The following CHAT variants were observed in gnomAD, a reference collection of about 807,000 sequenced individuals.
The protein encoded by CHAT is acetyl CoA:choline O-acetyltransferase.
Under a neutral mutation model 76.9 loss-of-function variants are expected in CHAT, and 61 were observed. That is an observed-to-expected ratio of 0.79 (90% CI 0.65 to 0.98). The LOEUF is 0.98. Among genes scored for constraint, CHAT ranks in the 50% least tolerant of loss-of-function variants. CHAT has a pLI of 0.00. For synonymous variants in CHAT, 407 were observed against 397.4 expected (o/e 1.02, Z -0.29); for missense variants, 946 against 986.9 (o/e 0.96, Z 0.56).
At chr10:49,611,628 C>G (rs777967155), upstream of CHAT, 2 of 1,611,564 alleles carry the variant, frequency 1.2e-6, no homozygotes, top group South Asian at 2.2e-5. Flanking sequence ...TGGTGGCCGG[C>G]GCGCTCACCA....
intron 7 of CHAT, among the ~76,000 whole-genome samples, chr10:49,630,606 G>A (rs1590581875): frequency 1.3e-5 from 2 of 152,314 alleles, no homozygotes; most frequent in African/African-American, 4.8e-5. Context: ...AGAAAAATGA[G>A]GGAGTTGCTA....
chr10:49,653,846 T>C (rs1266604080), intron 11 of CHAT, among the ~76,000 whole-genome samples: 1 of 152,242 alleles, frequency 6.6e-6, no homozygotes, highest in Non-Finnish European at 1.5e-5. Context: ...CTCTCTACTA[T>C]GAGCACTTCC....
upstream of CHAT, among the ~76,000 whole-genome samples, chr10:49,609,580 A>G (rs968393613): frequency 6.6e-6 from 1 of 151,896 alleles, no homozygotes; most frequent in African/African-American, 2.4e-5. Context: ...CGGCCAGGCT[A>G]ATATTCGCGA....
At chr10:49,612,079 G>A (rs2132688726), upstream of CHAT, 1 of 1,613,568 alleles carries the variant, frequency 6.2e-7, no homozygotes, top group South Asian at 1.1e-5. Context: ...GCACTCGCTG[G>A]GCTTTGAGCA....
At chr10:49,643,665 C>A (rs1398789255) in intron 7 of CHAT, among the ~76,000 whole-genome samples, 1 of 152,222 alleles carries the variant, frequency 6.6e-6, no homozygotes, top group African/African-American at 2.4e-5. Context: ...ATTCATGAAG[C>A]TCAAAGCCTC....
intron 7 of CHAT, among the ~76,000 whole-genome samples, chr10:49,630,643 T>G (rs1026140665): frequency 1.3e-5 from 2 of 151,900 alleles, no homozygotes; most frequent in African/African-American, 4.8e-5. Context: ...AAGGGAGGTG[T>G]TTTTAGGAGG....
Position 49,625,611 on chromosome 10 carries a change from C to G in CHAT, c.891C>G (p.Ile297Met). ...CGCTGGTGGCTCAGAACAGCAGCAT[C>G]ATGCCGGAGCCTGAGCACGTCATCG... ...QDTLVAQNSS[I>M]MPEPEHVIVA... is the part of the protein sequence containing the mutation. Residue 297 changes from isoleucine to methionine, a missense_variant, in exon 6 of 15, where the codon ATC (isoleucine) becomes ATG (methionine). Physicochemically the swap from Ile to Met is conservative, Grantham distance 10. Transcript: ENST00000337653. 6.3e-7 allele frequency: 1 copy of G among 1,597,820 alleles called. No homozygotes were observed. The highest frequency in any genetic ancestry group is 1.7e-4 in the Middle Eastern group (1 of 6,042).
chr10:49,618,356 T>A (rs1374360948), intron 2 of CHAT, among the ~76,000 whole-genome samples: 1 of 152,198 alleles, frequency 6.6e-6, no homozygotes, highest in Non-Finnish European at 1.5e-5. Context: ...TCACGTACAT[T>A]AGCTCTTTAA....
At chr10:49,611,637 C>T (rs2132687601), upstream of CHAT, 1 of 1,612,068 alleles carries the variant, frequency 6.2e-7, no homozygotes, top group Non-Finnish European at 8.5e-7. Flanking sequence ...GCGCGCTCAC[C>T]ACCTGTAACA....
In CHAT at chr10:49,665,144, C is replaced by G; in HGVS notation, c.*98C>G. 4 of 1,360,290 alleles carry G rather than the reference C, an allele frequency of 2.9e-6. No homozygotes were observed. The highest frequency in any genetic ancestry group is 1.4e-5 in the African/African-American group (1 of 70,206). 84.3% of individuals were successfully genotyped at this position (1,360,290 alleles called of 1,614,324 possible). A position where few individuals can be genotyped will look rare whatever the true frequency, so the allele number is the denominator to read the frequency against. On this transcript the variant is annotated 3_prime_UTR_variant, in exon 15 of 15. Transcript: ENST00000337653. ...CCCTTACCCCAGCTTTCCACAGCTCCCTGTCCTCAGGGTCCAACTCACAGA... is the reference window on the plus strand; with the variant it reads ...CCCTTACCCCAGCTTTCCACAGCTCGCTGTCCTCAGGGTCCAACTCACAGA...
chr10:49,614,036 G>A (rs1433910586), upstream of CHAT: 10 of 1,367,866 alleles, frequency 7.3e-6, no homozygotes, highest in Middle Eastern at 5.0e-4. Context: ...CGGTGACTGG[G>A]AAATGCTGAG....
chr10:49,625,763 G>GGGAA, intron 6 of CHAT, 110 bp downstream of exon 6: 5 of 1,167,298 alleles, frequency 4.3e-6, no homozygotes, highest in Non-Finnish European at 4.9e-6. Flanking sequence ...GAGTCACACA[G>GGGAA]GGAGCTGGGG....
At chr10:49,635,316 T>G (rs1235385191) in intron 7 of CHAT, among the ~76,000 whole-genome samples, 1 of 152,208 alleles carries the variant, frequency 6.6e-6, no homozygotes. Flanking sequence ...TAGGTATCAG[T>G]TTCTTTCATT....
chr10:49,618,560 G>A (rs1838582761), intron 2 of CHAT, among the ~76,000 whole-genome samples: 1 of 152,224 alleles, frequency 6.6e-6, no homozygotes, highest in African/African-American at 2.4e-5. Context: ...GGACATGGAA[G>A]ACTGATTTTA....
chr10:49,661,068 G>A (rs755578373), intron 13 of CHAT, among the ~76,000 whole-genome samples: 2 of 152,132 alleles, frequency 1.3e-5, no homozygotes, highest in Admixed American at 6.5e-5. Flanking sequence ...AGCTCCACAA[G>A]GACTGAGTCT....
At position 49,662,339 on chromosome 10, in the gene CHAT, C is replaced by A. The variant is rs138946912; in HGVS notation, c.1840-306C>A. On this transcript the variant is annotated intron_variant, in intron 13 of 14. Coordinates refer to ENST00000337653, the MANE Select transcript of CHAT (RefSeq NM_020549.5). ...CATTCTTTCCACTTAGAGAACCAGGCGGATATAGTTGTGTAGGGGATGCTC... is the reference window on the plus strand; with the variant it reads ...CATTCTTTCCACTTAGAGAACCAGGAGGATATAGTTGTGTAGGGGATGCTC... Among the ~76,000 whole-genome samples the A allele has an allele frequency of 2.4e-3, 364 of 152,300 alleles. 2 individuals are homozygous for A. The highest frequency in any genetic ancestry group is 8.5e-3 in the African/African-American group (354 of 41,562).
chr10:49,651,010 C>T (rs1373401304), intron 10 of CHAT, among the ~76,000 whole-genome samples: 1 of 152,046 alleles, frequency 6.6e-6, no homozygotes. Context: ...CCCAGCTCCA[C>T]CCTCCAGAGG....
At chr10:49,620,432 TCG>T in intron 3 of CHAT, 61 bp from the exon 4 acceptor site, 2 of 1,090,200 alleles carry the variant, frequency 1.8e-6, no homozygotes, top group Non-Finnish European at 2.8e-6. Flanking sequence ...CGATTTTCTC[TCG>T]GGGCTGTCAG....
At chr10:49,614,531 C>T (rs1451796683) in intron 1 of CHAT, 56 bp downstream of exon 1, 11 of 1,199,480 alleles carry the variant, frequency 9.2e-6, no homozygotes, top group Non-Finnish European at 1.1e-5. Flanking sequence ...GCAAGGGCGG[C>T]GGTCGGGGGC....
Sources: allele counts gnomAD v4.1 joint callset (sites outside exome capture counted in the v4.1 genomes callset), GRCh38; gene constraint gnomAD v4.1.1; transcripts MANE v1.5; gene names NCBI Gene and HGNC (gene_info 2026-07-23, HGNC 2026-07-21).